NUDCD3: variants seen among roughly 807,000 people sequenced by gnomAD.
The protein encoded by NUDCD3 is nudC domain-containing protein 3.
NUDCD3 carries 13 observed loss-of-function variants against 39.7 expected under a neutral mutation model. The ratio of observed to expected loss-of-function variants is 0.33; its 90% CI spans 0.21 to 0.52. The LOEUF is 0.52. Among genes scored for constraint, NUDCD3 ranks in the 20% least tolerant of loss-of-function variants. The pLI is 0.96. For synonymous variants in NUDCD3, 175 were observed against 172.4 expected, an observed-to-expected ratio of 1.02 and a Z score of -0.12; for missense variants, 453 against 458.1, an observed-to-expected ratio of 0.99 and a Z score of 0.10.
chr7:44,455,588 T>C (rs534907588), intron 2 of NUDCD3, among the ~76,000 whole-genome samples: 76 of 152,288 alleles, frequency 5.0e-4, no homozygotes, highest in African/African-American at 1.8e-3. Context: ...CATGTGAGTA[T>C]GCATTGGGAG....
intron 2 of NUDCD3, among the ~76,000 whole-genome samples, chr7:44,451,113 C>G (rs1799787032): frequency 6.6e-6 from 1 of 152,160 alleles, no homozygotes; most frequent in South Asian, 2.1e-4. Context: ...AATGGATAAA[C>G]AAAATGTAGT....
At chr7:44,490,092 T>C (rs1349827854) in intron 1 of NUDCD3, 3 of 261,386 alleles carry the variant, frequency 1.1e-5, no homozygotes, top group Non-Finnish European at 1.5e-5. Flanking sequence ...TCCTTCCTTC[T>C]GTCTGGCCTG....
intron 3 of NUDCD3, among the ~76,000 whole-genome samples, chr7:44,417,214 T>A (rs1316110246): frequency 6.6e-6 from 1 of 152,178 alleles, no homozygotes; most frequent in Non-Finnish European, 1.5e-5. Context: ...TCCTTGGTGA[T>A]AGTAGAGCCA....
chr7:44,392,684 C>G (rs1045085378), intron 4 of NUDCD3, among the ~76,000 whole-genome samples, 199 bp from the exon 5 acceptor site: 1 of 152,154 alleles, frequency 6.6e-6, no homozygotes, highest in South Asian at 2.1e-4. Context: ...GCTGCCTGTG[C>G]TAACATATCC....
chr7:44,457,684 A>G (rs938044978), intron 2 of NUDCD3, among the ~76,000 whole-genome samples: 1 of 152,244 alleles, frequency 6.6e-6, no homozygotes, highest in African/African-American at 2.4e-5. Flanking sequence ...AAGATGGTTA[A>G]AGAGTTTGAA....
intron 2 of NUDCD3, among the ~76,000 whole-genome samples, chr7:44,439,785 G>A (rs1799540745): frequency 6.6e-6 from 1 of 152,064 alleles, no homozygotes; most frequent in East Asian, 1.9e-4. Context: ...ACAAATGAGG[G>A]AAGGGGACAA....
chr7:44,437,073 T>TC (rs1214427772), intron 2 of NUDCD3, among the ~76,000 whole-genome samples: 15 of 146,468 alleles, frequency 1.0e-4, no homozygotes, highest in East Asian at 3.9e-4. Context: ...TCTTTTCTTT[T>TC]TTTTTTTTTT....
intron 2 of NUDCD3, among the ~76,000 whole-genome samples, chr7:44,452,015 G>A (rs1207336236): frequency 2.6e-5 from 4 of 152,196 alleles, no homozygotes; most frequent in Non-Finnish European, 1.5e-5. Flanking sequence ...CCACTGATGA[G>A]GGCAAAAATG....
At chr7:44,392,749 TTTATCCTTCTTC>T (rs1451956560) in intron 4 of NUDCD3, among the ~76,000 whole-genome samples, 1 of 152,104 alleles carries the variant, frequency 6.6e-6, no homozygotes, top group Non-Finnish European at 1.5e-5. Context: ...GGAAGATGCC[TTTATCCTTCTTC>T]AGCAGGTCCT....
chr7:44,470,091 A>C (rs1292145311), intron 2 of NUDCD3, among the ~76,000 whole-genome samples: 1 of 152,256 alleles, frequency 6.6e-6, no homozygotes, highest in Non-Finnish European at 1.5e-5. Context: ...AGCTGGGTGA[A>C]GAGCATATGT....
At chr7:44,490,336 G>A in intron 1 of NUDCD3, 73 bp downstream of exon 1, 1 of 1,362,476 alleles carries the variant, frequency 7.3e-7, no homozygotes, top group Non-Finnish European at 9.7e-7. Flanking sequence ...GGGAGAGCTT[G>A]GAGGAGCGGG....
chr7:44,427,277 A>G (rs11768714), intron 3 of NUDCD3, among the ~76,000 whole-genome samples: 33,079 of 152,078 alleles, frequency 0.22, 3,991 homozygotes, highest in African/African-American at 0.28. Flanking sequence ...CTATGGCTGT[A>G]TTTATAAAAG....
intron 4 of NUDCD3, among the ~76,000 whole-genome samples, chr7:44,404,109 C>T (rs1798773348): frequency 6.6e-6 from 1 of 152,194 alleles, no homozygotes; most frequent in Non-Finnish European, 1.5e-5. Flanking sequence ...GTCAATGAGC[C>T]TGATTCTCTG....
intron 4 of NUDCD3, chr7:44,402,504 G>A (rs1798744350): frequency 2.8e-6 from 1 of 362,544 alleles, no homozygotes; most frequent in South Asian, 2.0e-5. Flanking sequence ...AAAGTAAAAG[G>A]AATCATTGGT....
In NUDCD3 at chr7:44,437,020, AT is replaced by A. The variant is rs765704074; in HGVS notation, c.510-9318del. On this transcript the variant is annotated intron_variant, in intron 2 of 5. Coordinates refer to ENST00000355451, the MANE Select transcript of NUDCD3 (RefSeq NM_015332.4). ...ATTTTTCTACCAATATGCTCTCATA[AT>A]TTTTTTTTTTATTCTCTACTTGTTA... Among the ~76,000 whole-genome samples, 796 of 137,318 alleles carry A rather than the reference AT, an allele frequency of 5.8e-3. 3 individuals are homozygous for A. The highest frequency in any genetic ancestry group is 0.014 in the African/African-American group (531 of 37,402). 90.1% of individuals were successfully genotyped at this position (137,318 alleles called of 152,430 possible). A position where few individuals can be genotyped will look rare whatever the true frequency, so the allele number is the denominator to read the frequency against.
intron 1 of NUDCD3, among the ~76,000 whole-genome samples, chr7:44,488,130 T>C (rs1051357180): frequency 6.6e-6 from 1 of 151,512 alleles, no homozygotes; most frequent in Non-Finnish European, 1.5e-5. Context: ...AGGTCAGGAG[T>C]TTGAGACCAG....
chr7:44,478,006 TG>T (rs1800412433), intron 2 of NUDCD3, among the ~76,000 whole-genome samples: 1 of 152,004 alleles, frequency 6.6e-6, no homozygotes, highest in Non-Finnish European at 1.5e-5. Flanking sequence ...GTTAATTTTT[TG>T]TATTTTTATA....
intron 4 of NUDCD3, among the ~76,000 whole-genome samples, chr7:44,394,197 T>C (rs141702065): frequency 2.2e-4 from 34 of 152,200 alleles, no homozygotes; most frequent in African/African-American, 8.0e-4. Flanking sequence ...AAATCTTGTC[T>C]GACATTCCGA....
At chr7:44,390,662 T>G in intron 5 of NUDCD3, among the ~76,000 whole-genome samples, 1 of 152,212 alleles carries the variant, frequency 6.6e-6, no homozygotes, top group East Asian at 1.9e-4. Context: ...GGTCAACTCA[T>G]GAATACATCT....
Sources: allele counts gnomAD v4.1 joint callset (sites outside exome capture counted in the v4.1 genomes callset), GRCh38; gene constraint gnomAD v4.1.1; transcripts MANE v1.5; gene names NCBI Gene and HGNC (gene_info 2026-07-23, HGNC 2026-07-21).